The following CAB39 variants were observed in gnomAD, a reference collection of about 807,000 sequenced individuals.
CAB39 encodes the protein calcium binding protein 39.
CAB39 carries 8 observed loss-of-function variants against 40.0 expected under a neutral mutation model. The observed-to-expected ratio is 0.20, with a 90% CI of 0.12 to 0.36. The LOEUF (loss-of-function observed/expected upper bound fraction) is 0.36. Among genes scored for constraint, CAB39 ranks in the 10% least tolerant of loss-of-function variants. The pLI, the probability that CAB39 is intolerant of heterozygous loss-of-function variation, is 1.00. For synonymous variants in CAB39, 156 were observed against 141.6 expected (o/e 1.10, Z -0.72); for missense variants, 270 against 401.1 (o/e 0.67, Z 2.79).
At chr2:230,721,625 T>G (rs13411251) in intron 1 of CAB39, among the ~76,000 whole-genome samples, 22,395 of 152,122 alleles carry the variant, frequency 0.15, 2,463 homozygotes, top group African/African-American at 0.31. Context: ...TCCCAAATTG[T>G]GTTTTGTAGA....
At chr2:230,723,510 G>A (rs1431488915) in intron 1 of CAB39, among the ~76,000 whole-genome samples, 2 of 152,064 alleles carry the variant, frequency 1.3e-5, no homozygotes, top group East Asian at 1.9e-4. Context: ...TCATCTCTAC[G>A]TTCCTGGAGT....
chr2:230,799,435 C>T (rs1043924877), intron 5 of CAB39, among the ~76,000 whole-genome samples: 5 of 152,224 alleles, frequency 3.3e-5, no homozygotes, highest in African/African-American at 1.2e-4. Flanking sequence ...GAATCACCCA[C>T]ACTATTCAAA....
chr2:230,748,424 G>T (rs1409899033), intron 1 of CAB39, among the ~76,000 whole-genome samples: 1 of 152,124 alleles, frequency 6.6e-6, no homozygotes, highest in East Asian at 1.9e-4. Flanking sequence ...TAGTTAGCCT[G>T]CGTATCCTCT....
At chr2:230,765,077 C>G (rs1180067392) in intron 2 of CAB39, among the ~76,000 whole-genome samples, 3 of 152,136 alleles carry the variant, frequency 2.0e-5, no homozygotes, top group Non-Finnish European at 4.4e-5. Context: ...GCCTCTGCCT[C>G]CTGGGTTCAA....
At position 230,818,516 on chromosome 2, in the gene CAB39, G is replaced by A. The variant is rs1696445389; in HGVS notation, c.838G>A (p.Val280Met). ...IQFEAFHVFK[V>M]FVANPNKTQP... ...CTCATGTGCGTTTCTCTCCACGCAG[G>A]TGTTTGTAGCCAATCCTAACAAGAC... The change falls in exon 9 of 9, where the codon GTG becomes ATG. Residue 280 changes from valine to methionine, a missense_variant and splice_region_variant. Coordinates refer to ENST00000258418, the MANE Select transcript of CAB39 (RefSeq NM_016289.4). 1.2e-6 allele frequency: 2 copies of A among 1,613,194 alleles called. No homozygotes were observed. The highest frequency in any genetic ancestry group is 1.3e-5 in the African/African-American group (1 of 74,872).
intron 4 of CAB39, among the ~76,000 whole-genome samples, chr2:230,798,148 G>T (rs1189658935): frequency 6.6e-6 from 1 of 152,130 alleles, no homozygotes; most frequent in African/African-American, 2.4e-5. Context: ...TGCCTGCTCT[G>T]TGGCCCCTGG....
intron 2 of CAB39, among the ~76,000 whole-genome samples, chr2:230,766,974 A>G (rs1464205): frequency 0.31 from 46,932 of 152,142 alleles, 8,357 homozygotes; most frequent in East Asian, 0.46. Context: ...GAACATTTTC[A>G]TCAGGAAGTA....
At chr2:230,772,707 G>A (rs930798878) in intron 2 of CAB39, among the ~76,000 whole-genome samples, 10 of 151,928 alleles carry the variant, frequency 6.6e-5, no homozygotes, top group East Asian at 3.9e-4. Flanking sequence ...GGATGGTGTC[G>A]ATCTCCTGAC....
chr2:230,815,433 C>G (rs887899434), intron 7 of CAB39, among the ~76,000 whole-genome samples: 62 of 152,196 alleles, frequency 4.1e-4, no homozygotes, highest in African/African-American at 1.4e-3. Flanking sequence ...CCTGGGGCCT[C>G]TCCTGCTCTG....
At chr2:230,806,040 T>C (rs1178423590) in intron 5 of CAB39, among the ~76,000 whole-genome samples, 6 of 152,144 alleles carry the variant, frequency 3.9e-5, no homozygotes, top group Non-Finnish European at 8.8e-5. Flanking sequence ...TAAATACAGA[T>C]AACTGAGGTC....
intron 5 of CAB39, among the ~76,000 whole-genome samples, chr2:230,800,358 A>G (rs1197010912): frequency 6.6e-6 from 1 of 152,220 alleles, no homozygotes; most frequent in African/African-American, 2.4e-5. Context: ...AGAGCTCCCC[A>G]GGAATTTATT....
intron 2 of CAB39, among the ~76,000 whole-genome samples, chr2:230,788,453 G>T (rs759534011): frequency 6.6e-6 from 1 of 151,696 alleles, no homozygotes; most frequent in Non-Finnish European, 1.5e-5. Flanking sequence ...TGTTATTTTT[G>T]CTTTAAAGAG....
At chr2:230,726,378 G>A (rs1327025402) in intron 1 of CAB39, among the ~76,000 whole-genome samples, 1 of 151,822 alleles carries the variant, frequency 6.6e-6, no homozygotes, top group East Asian at 1.9e-4. Flanking sequence ...CGCTGTGTTG[G>A]CCAGGCTGGT....
intron 2 of CAB39, among the ~76,000 whole-genome samples, chr2:230,782,813 CTTTTTTTT>C (rs1212977897): frequency 1.2e-5 from 1 of 81,766 alleles, no homozygotes; most frequent in African/African-American, 6.3e-5. Context: ...TTCTTTCTTT[CTTTTTTTT>C]TTTTTTTTTT....
At chr2:230,745,440 G>C (rs1458829593) in intron 1 of CAB39, among the ~76,000 whole-genome samples, 1 of 152,152 alleles carries the variant, frequency 6.6e-6, no homozygotes, top group Non-Finnish European at 1.5e-5. Flanking sequence ...CCTCAGAGGA[G>C]CTCATGGTCC....
At chr2:230,729,614 G>T (rs562734512) in intron 1 of CAB39, among the ~76,000 whole-genome samples, 1 of 152,062 alleles carries the variant, frequency 6.6e-6, no homozygotes, top group South Asian at 2.1e-4. Flanking sequence ...TCAGCTGGGC[G>T]TGGTGGCATG....
In CAB39 at chr2:230,748,832, ATATATATATATATATATAT is replaced by A. The variant is rs1175918672; in HGVS notation, c.-43-11126_-43-11108del. Among the ~76,000 whole-genome samples the A allele has an allele frequency of 4.4e-3, 95 of 21,748 alleles. 6 individuals carry two copies. The highest frequency in any genetic ancestry group is 0.016 in the African/African-American group (89 of 5,472). 14.3% of individuals were successfully genotyped at this position (21,748 alleles called of 152,430 possible). A position where few individuals can be genotyped will look rare whatever the true frequency, so the allele number is the denominator to read the frequency against. On this transcript the variant is annotated intron_variant, in intron 1 of 8. Transcript: ENST00000258418. Reference sequence around the variant, plus strand: ...CAAAAAGAAAAAAAAAAAAAAAAAAATATATATATATATATATATATATATATATATATATAACAAAATG... The same window carrying A: ...CAAAAAGAAAAAAAAAAAAAAAAAAAATATATATATATATATAACAAAATG...
intron 1 of CAB39, chr2:230,725,458 C>CG: frequency 7.0e-7 from 1 of 1,429,336 alleles, no homozygotes; most frequent in East Asian, 2.3e-5. Context: ...TCCCGCCACC[C>CG]GGCCACTCCT....
chr2:230,784,335 G>A (rs1211242921), intron 2 of CAB39, among the ~76,000 whole-genome samples: 3 of 151,110 alleles, frequency 2.0e-5, no homozygotes, highest in South Asian at 4.3e-4. Flanking sequence ...GACATTACGA[G>A]TGGAGACATT....
Sources: allele counts gnomAD v4.1 joint callset (sites outside exome capture counted in the v4.1 genomes callset), GRCh38; gene constraint gnomAD v4.1.1; transcripts MANE v1.5; gene names NCBI Gene and HGNC (gene_info 2026-07-23, HGNC 2026-07-21).